The following AGBL4 variants were observed in gnomAD, a reference collection of about 807,000 sequenced individuals.
AGBL4 encodes the protein AGBL carboxypeptidase 4.
AGBL4 carries 58 observed loss-of-function variants against 66.4 expected under a neutral mutation model. That is an observed-to-expected ratio of 0.87 (90% CI 0.71 to 1.09). AGBL4 has a LOEUF of 1.09. Ranked by LOEUF, AGBL4 falls within the 50% of genes least tolerant of loss-of-function variation. The pLI, the probability that AGBL4 is intolerant of heterozygous loss-of-function variation, is 0.00. For missense variants in AGBL4, 579 were observed against 631.0 expected, an observed-to-expected ratio of 0.92 and a Z score of 0.88; for synonymous variants, 234 against 222.9, an observed-to-expected ratio of 1.05 and a Z score of -0.44.
chr1:48,551,144 C>A (rs967670782), intron 11 of AGBL4, among the ~76,000 whole-genome samples: 2 of 152,196 alleles, frequency 1.3e-5, no homozygotes, highest in Non-Finnish European at 2.9e-5. Context: ...ATTCTCAGAT[C>A]TGGCTTTCAT....
intron 2 of AGBL4, among the ~76,000 whole-genome samples, chr1:49,710,554 T>C (rs1414790421): frequency 1.3e-5 from 2 of 152,066 alleles, no homozygotes; most frequent in Non-Finnish European, 2.9e-5. Context: ...AACCTGCACG[T>C]TCTGCACATG....
intron 1 of AGBL4, among the ~76,000 whole-genome samples, chr1:49,877,308 C>T (rs1647044838): frequency 6.6e-6 from 1 of 151,260 alleles, no homozygotes; most frequent in Non-Finnish European, 1.5e-5. Context: ...TCATAGATAG[C>T]TCTTATTATT....
At chr1:49,323,486 G>A (rs1423190728) in intron 3 of AGBL4, among the ~76,000 whole-genome samples, 5 of 139,908 alleles carry the variant, frequency 3.6e-5, no homozygotes. Context: ...TTGTAGAGAC[G>A]AGGTTTCACC....
intron 5 of AGBL4, among the ~76,000 whole-genome samples, chr1:48,901,849 A>G (rs1408373741): frequency 6.6e-6 from 1 of 152,098 alleles, no homozygotes; most frequent in Non-Finnish European, 1.5e-5. Context: ...TAGTGTATTG[A>G]TCCATTTTTA....
chr1:49,834,171 T>G (rs1336186114), intron 2 of AGBL4, among the ~76,000 whole-genome samples: 2 of 152,168 alleles, frequency 1.3e-5, no homozygotes, highest in Non-Finnish European at 2.9e-5. Flanking sequence ...CCAGCTACTC[T>G]TTGTACCTCT....
rs1328789196 is a variant in AGBL4, at chr1:49,401,842, G to A, written c.283-155978C>T. Among the ~76,000 whole-genome samples, 2 of 151,980 alleles carry A rather than the reference G, an allele frequency of 1.3e-5. 1 individual carries two copies. The highest frequency in any genetic ancestry group is 2.9e-5 in the Non-Finnish European group (2 of 67,980). ...TCTTTGCTGGGAGAGTTTTTATTAT[G>A]GCTTTGATTTCATTACTTATTATTG... is the stretch of plus-strand genomic sequence containing the variant. On this transcript the variant is annotated intron_variant, in intron 3 of 13. Transcript: ENST00000371839.
intron 6 of AGBL4, among the ~76,000 whole-genome samples, chr1:48,742,039 T>C (rs865852921): frequency 1.3e-5 from 2 of 152,246 alleles, no homozygotes; most frequent in Non-Finnish European, 2.9e-5. Context: ...TTCAAGGTCA[T>C]ATAAATAACG....
intron 5 of AGBL4, among the ~76,000 whole-genome samples, chr1:48,986,637 C>T (rs1293815950): frequency 6.6e-6 from 1 of 152,016 alleles, no homozygotes; most frequent in African/African-American, 2.4e-5. Context: ...AGCAGACCCA[C>T]ACTCTAAGAA....
At chr1:49,020,446 G>A (rs1401582687) in intron 5 of AGBL4, among the ~76,000 whole-genome samples, 1 of 152,120 alleles carries the variant, frequency 6.6e-6, no homozygotes, top group African/African-American at 2.4e-5. Flanking sequence ...AAGGAAATAA[G>A]CAGAAAGGAC....
chr1:49,625,714 A>C (rs779506013), intron 3 of AGBL4, among the ~76,000 whole-genome samples: 2 of 152,140 alleles, frequency 1.3e-5, no homozygotes, highest in Non-Finnish European at 2.9e-5. Flanking sequence ...GAGCTTTCAG[A>C]AAAAAGAGAA....
intron 3 of AGBL4, among the ~76,000 whole-genome samples, chr1:49,581,913 G>C (rs1222154953): frequency 6.6e-6 from 1 of 152,186 alleles, no homozygotes; most frequent in Non-Finnish European, 1.5e-5. Flanking sequence ...ATAGGCAATG[G>C]TGGTAGCAGC....
intron 5 of AGBL4, among the ~76,000 whole-genome samples, chr1:48,971,341 G>C (rs1183628532): frequency 6.6e-6 from 1 of 152,074 alleles, no homozygotes; most frequent in Non-Finnish European, 1.5e-5. Flanking sequence ...ATCTGAGGTA[G>C]AGCAGTTTTA....
chr1:49,765,396 A>G (rs1571518018), intron 2 of AGBL4, among the ~76,000 whole-genome samples: 1 of 152,234 alleles, frequency 6.6e-6, no homozygotes, highest in East Asian at 1.9e-4. Context: ...TCACACTCCT[A>G]GGGAGGAGGA....
rs934361791 is a variant in AGBL4 at position 49,130,517 on chromosome 1, C to G, written c.378-84717G>C. Among the ~76,000 whole-genome samples the G allele has an allele frequency of 3.5e-4, 54 of 152,184 alleles. 2 individuals are homozygous for G. The highest frequency in any genetic ancestry group is 2.2e-3 in the Admixed American group (33 of 15,266). ...AAGGTGTAAGGAGGGGATCCAGTTT[C>G]AGCTTTCTACATATGGCTAGCCAGT... is the stretch of plus-strand genomic sequence containing the variant. On this transcript the variant is annotated intron_variant, in intron 4 of 13. Coordinates refer to ENST00000371839, the MANE Select transcript of AGBL4 (RefSeq NM_032785.4).
chr1:49,319,321 T>C (rs1039449960), intron 3 of AGBL4, among the ~76,000 whole-genome samples: 3 of 152,164 alleles, frequency 2.0e-5, no homozygotes, highest in Non-Finnish European at 1.5e-5. Context: ...ATGAGACTTA[T>C]GTTCATATAA....
intron 3 of AGBL4, among the ~76,000 whole-genome samples, chr1:49,618,349 A>AAAGCCCAGGACCAGACAGAT (rs773592066): frequency 3.2e-4 from 48 of 150,946 alleles, no homozygotes; most frequent in Admixed American, 8.6e-4. Context: ...ATGATGTATA[A>AAAGCCCAGGACCAGACAGAT]TCCTTTGGGT....
intron 3 of AGBL4, among the ~76,000 whole-genome samples, chr1:49,586,768 T>C (rs1484308103): frequency 2.6e-5 from 4 of 152,164 alleles, no homozygotes; most frequent in South Asian, 2.1e-4. Context: ...GAGTACCTTG[T>C]TCTCTAGTAA....
intron 3 of AGBL4, among the ~76,000 whole-genome samples, chr1:49,606,121 G>A (rs1645059085): frequency 6.6e-6 from 1 of 152,116 alleles, no homozygotes; most frequent in South Asian, 2.1e-4. Flanking sequence ...CCAGATCTAA[G>A]AAAAGTTGCC....
At chr1:49,026,704 A>G (rs552264639) in intron 5 of AGBL4, among the ~76,000 whole-genome samples, 2 of 152,302 alleles carry the variant, frequency 1.3e-5, no homozygotes, top group South Asian at 4.1e-4. Context: ...GATATCCTGA[A>G]TATTTCTATT....
Sources: allele counts gnomAD v4.1 joint callset (sites outside exome capture counted in the v4.1 genomes callset), GRCh38; gene constraint gnomAD v4.1.1; transcripts MANE v1.5; gene names NCBI Gene and HGNC (gene_info 2026-07-23, HGNC 2026-07-21).